GRID1: variants seen among roughly 807,000 people sequenced by gnomAD.
GRID1 encodes glutamate receptor ionotropic, delta-1.
In GRID1, 28 loss-of-function variants were observed where a neutral mutation model predicts 98.0. The ratio of observed to expected loss-of-function variants is 0.29; its 90% CI spans 0.21 to 0.39. The LOEUF (loss-of-function observed/expected upper bound fraction) is 0.39, where lower values mean the gene tolerates loss of function less well. GRID1 is among the 10% of genes least tolerant of loss of function. The probability of loss-of-function intolerance (pLI) is 1.00; values close to 1 mark genes in which losing one functional copy is unlikely to be tolerated. For missense variants in GRID1, 1,111 were observed against 1,340.5 expected, an observed-to-expected ratio of 0.83 and a Z score of 2.67; for synonymous variants, 553 against 538.5, an observed-to-expected ratio of 1.03 and a Z score of -0.37.
chr10:86,074,195 C>T (rs1366092398), intron 4 of GRID1, among the ~76,000 whole-genome samples: 1 of 152,182 alleles, frequency 6.6e-6, no homozygotes, highest in Admixed American at 6.5e-5. Context: ...GTGTCCATCA[C>T]CCAAGCACAA....
At chr10:85,804,880 A>G (rs1842608662) in intron 8 of GRID1, among the ~76,000 whole-genome samples, 1 of 151,774 alleles carries the variant, frequency 6.6e-6, no homozygotes, top group African/African-American at 2.4e-5. Context: ...CTTTCTAATT[A>G]AGTTTGGGGA....
At chr10:85,920,049 C>T (rs1254258935) in intron 4 of GRID1, among the ~76,000 whole-genome samples, 1 of 152,162 alleles carries the variant, frequency 6.6e-6, no homozygotes, top group Non-Finnish European at 1.5e-5. Context: ...CAAATCCCAG[C>T]TGCCTTGCTC....
chr10:86,257,127 G>C (rs540763758), intron 2 of GRID1, among the ~76,000 whole-genome samples: 2 of 152,202 alleles, frequency 1.3e-5, no homozygotes, highest in Admixed American at 1.3e-4. Flanking sequence ...ACTGACTAAA[G>C]CACCTCAAGA....
At chr10:85,957,322 T>C (rs1354811919) in intron 4 of GRID1, among the ~76,000 whole-genome samples, 1 of 152,134 alleles carries the variant, frequency 6.6e-6, no homozygotes, top group East Asian at 1.9e-4. Context: ...AGAGTAGAAA[T>C]GGTGTGGCCA....
At chr10:86,194,566 G>T (rs968526113) in intron 3 of GRID1, among the ~76,000 whole-genome samples, 3 of 152,100 alleles carry the variant, frequency 2.0e-5, no homozygotes, top group African/African-American at 4.8e-5. Flanking sequence ...ATGGGTGCTT[G>T]CTTTGTGTTT....
intron 8 of GRID1, among the ~76,000 whole-genome samples, chr10:85,846,229 T>G (rs1271661420): frequency 1.3e-5 from 2 of 151,956 alleles, no homozygotes; most frequent in Admixed American, 6.6e-5. Context: ...ATATAAAAAG[T>G]TTTTTAAAAT....
intron 4 of GRID1, among the ~76,000 whole-genome samples, chr10:85,999,120 G>A (rs1166053316): frequency 1.3e-5 from 2 of 151,616 alleles, no homozygotes; most frequent in Non-Finnish European, 2.9e-5. Flanking sequence ...GCTGAGGCAC[G>A]AGAATCAGTT....
chr10:86,254,648 C>T lies in GRID1; in HGVS notation c.236-48000G>A, dbSNP rs75005240. Among the ~76,000 whole-genome samples, 309 of 152,368 alleles carry T rather than the reference C, an allele frequency of 2.0e-3. 2 individuals are homozygous for T. Among genetic ancestry groups the T allele is most frequent in the African/African-American group, 6.9e-3 (288 of 41,596 alleles). ...TGGATGATTCATGCAGCTGGGGCCA[C>T]ACCCTGGCCCTGTGTGCTTCTCCAC... On this transcript the variant is annotated intron_variant, in intron 2 of 15. Coordinates refer to ENST00000327946, the MANE Select transcript of GRID1 (RefSeq NM_017551.3).
chr10:86,018,852 T>C (rs982239350), intron 4 of GRID1, among the ~76,000 whole-genome samples: 1 of 152,184 alleles, frequency 6.6e-6, no homozygotes, highest in Non-Finnish European at 1.5e-5. Context: ...CCATACAATA[T>C]TGTCTTCTTT....
chr10:86,136,656 G>A (rs914294114), intron 4 of GRID1, among the ~76,000 whole-genome samples: 3 of 152,204 alleles, frequency 2.0e-5, no homozygotes, highest in Admixed American at 6.5e-5. Flanking sequence ...AATGACAGGC[G>A]CATGAGAACA....
At chr10:86,249,612 C>G (rs1463523596) in intron 2 of GRID1, among the ~76,000 whole-genome samples, 1 of 152,168 alleles carries the variant, frequency 6.6e-6, no homozygotes, top group Non-Finnish European at 1.5e-5. Context: ...TCTACCCCCC[C>G]ACACCCTCCC....
At chr10:86,230,173 C>T (rs988913078) in intron 2 of GRID1, among the ~76,000 whole-genome samples, 1 of 152,250 alleles carries the variant, frequency 6.6e-6, no homozygotes, top group African/African-American at 2.4e-5. Flanking sequence ...GCCTCCTAAA[C>T]CTGGCTTCAG....
At chr10:85,839,265 T>A (rs1842940577) in intron 8 of GRID1, among the ~76,000 whole-genome samples, 1 of 152,090 alleles carries the variant, frequency 6.6e-6, no homozygotes, top group Admixed American at 6.6e-5. Context: ...ATTCAAGACC[T>A]GAACTCAGCA....
chr10:85,995,695 C>A (rs2001321), intron 4 of GRID1, among the ~76,000 whole-genome samples: 113,818 of 152,116 alleles, frequency 0.75, 42,860 homozygotes, highest in South Asian at 0.85. Context: ...ATCCTCTAAC[C>A]CTCTTGACCC....
chr10:85,734,612 A>G lies in GRID1; in HGVS notation c.1234-4998T>C, dbSNP rs1841859167. Among the ~76,000 whole-genome samples the G allele has an allele frequency of 2.6e-5, 4 of 152,216 alleles. No homozygotes were observed. The South Asian group carries it at 8.3e-4, about 32-fold the overall frequency. On this transcript the variant is annotated intron_variant, in intron 8 of 15. Coordinates refer to ENST00000327946, the MANE Select transcript of GRID1 (RefSeq NM_017551.3). ...AAATTCTGCCTTTCAAACACATCAAAGTTCAACTATGTTCCAGGATTCAGG... is the reference window on the plus strand; with the variant it reads ...AAATTCTGCCTTTCAAACACATCAAGGTTCAACTATGTTCCAGGATTCAGG...
At chr10:85,899,341 A>G (rs777171792) in intron 5 of GRID1, among the ~76,000 whole-genome samples, 2 of 152,160 alleles carry the variant, frequency 1.3e-5, no homozygotes, top group African/African-American at 4.8e-5. Flanking sequence ...TTGATTCCAT[A>G]TCTTGCTATT....
At chr10:85,865,105 G>C (rs1001543213) in intron 6 of GRID1, among the ~76,000 whole-genome samples, 12 of 152,140 alleles carry the variant, frequency 7.9e-5, no homozygotes, top group Non-Finnish European at 1.6e-4. Context: ...CTGAGGGACT[G>C]GTTATCACTT....
intron 3 of GRID1, among the ~76,000 whole-genome samples, chr10:86,204,547 G>C (rs1845998800): frequency 6.6e-6 from 1 of 152,216 alleles, no homozygotes; most frequent in Admixed American, 6.5e-5. Context: ...CTTGAGAAGA[G>C]TGAGGGTAAG....
At chr10:86,189,580 T>C (rs946728335) in intron 3 of GRID1, among the ~76,000 whole-genome samples, 4 of 151,986 alleles carry the variant, frequency 2.6e-5, no homozygotes, top group African/African-American at 9.7e-5. Context: ...AAACACAACT[T>C]TATAGATCCC....
Sources: gnomAD v4.1 joint callset for allele counts (sites outside exome capture counted in the v4.1 genomes callset) on GRCh38, gnomAD v4.1.1 for gene constraint, MANE v1.5 for transcripts, NCBI Gene and HGNC (gene_info 2026-07-23, HGNC 2026-07-21) for gene names.